The following FBN3 variants were observed in gnomAD, a reference collection of about 807,000 sequenced individuals.
FBN3 encodes the protein fibrillin 3.
A neutral mutation model predicts 330.1 loss-of-function variants in FBN3; 234 were observed. That is an observed-to-expected ratio of 0.71 (90% CI 0.64 to 0.79). FBN3 has a LOEUF of 0.79. Ranked by LOEUF, FBN3 falls within the 30% of genes least tolerant of loss-of-function variation. FBN3 has a pLI of 0.00. For missense variants in FBN3, 3,606 were observed against 3,886.9 expected, an observed-to-expected ratio of 0.93 and a Z score of 1.92; for synonymous variants, 1,458 against 1,517.3, an observed-to-expected ratio of 0.96 and a Z score of 0.91.
chr19:8,079,126 A>G (rs2081713861), intron 59 of FBN3, among the ~76,000 whole-genome samples: 1 of 151,990 alleles, frequency 6.6e-6, no homozygotes, highest in African/African-American at 2.4e-5. Flanking sequence ...AAGCCCTCTC[A>G]GGAGGCTGAG....
At chr19:8,115,183 GTGTGATCATT>G (rs1440948768) in intron 30 of FBN3, among the ~76,000 whole-genome samples, 4 of 152,146 alleles carry the variant, frequency 2.6e-5, no homozygotes, top group African/African-American at 9.7e-5. Context: ...GCCACCAATT[GTGTGATCATT>G]TGTTATGGCA....
chr19:8,090,324 A>G, intron 48 of FBN3, 73 bp from the exon 49 acceptor site: 1 of 1,549,932 alleles, frequency 6.5e-7, no homozygotes, highest in Non-Finnish European at 8.8e-7. Flanking sequence ...GACCTCCCGC[A>G]CCCCAGTCCT....
intron 59 of FBN3, among the ~76,000 whole-genome samples, chr19:8,079,376 T>C (rs2081719274): frequency 6.6e-6 from 1 of 152,064 alleles, no homozygotes; most frequent in Non-Finnish European, 1.5e-5. Context: ...GCGATCACAT[T>C]GCTGTATTCC....
intron 24 of FBN3, among the ~76,000 whole-genome samples, chr19:8,123,070 T>A (rs993150224): frequency 1.3e-5 from 2 of 151,446 alleles, no homozygotes; most frequent in Non-Finnish European, 1.5e-5. Context: ...AGAACAGGTG[T>A]TCGCCAGGCA....
Position 8,132,771 on chromosome 19 carries a change from C to T in FBN3, c.1714+213G>A, listed in dbSNP as rs565647260. On this transcript the variant is annotated intron_variant, in intron 14 of 63. Transcript: ENST00000600128. ...CCTCCCAAGGTGCTGGGACTACAGG[C>T]GTGAGCCACGGCACCTGCCTCTTCT... is the stretch of plus-strand genomic sequence containing the variant. 7.2e-5 allele frequency among the ~76,000 whole-genome samples: 11 copies of T among 152,316 alleles called. No individual in the cohort carries two copies. The East Asian group carries it at 1.3e-3, about 19-fold the overall frequency.
At chr19:8,132,418 T>C (rs1392932015) in intron 14 of FBN3, among the ~76,000 whole-genome samples, 1 of 151,998 alleles carries the variant, frequency 6.6e-6, no homozygotes, top group Admixed American at 6.6e-5. Flanking sequence ...TGTCCTCAAG[T>C]GATCCTCTAA....
chr19:8,090,656 G>A (rs1458810236), intron 48 of FBN3, among the ~76,000 whole-genome samples: 1 of 151,958 alleles, frequency 6.6e-6, no homozygotes, highest in African/African-American at 2.4e-5. Flanking sequence ...GCTAATTTTT[G>A]TATTTTTAGT....
In FBN3 at chr19:8,126,300, C is replaced by G. The variant is rs35025963; in HGVS notation, c.2602G>C (p.Asp868His). The G allele has an allele frequency of 6.3e-7, 1 of 1,586,420 alleles. No homozygotes were observed. Among genetic ancestry groups the G allele is most frequent in the Non-Finnish European group, 8.6e-7 (1 of 1,168,252 alleles). ...CTGGACACGGGCAGGCAGTTACCATCGCAGGTGACACCCGTCATCCGGGCA... is the reference window on the plus strand; with the variant it reads ...CTGGACACGGGCAGGCAGTTACCATGGCAGGTGACACCCGTCATCCGGGCA... ...GFARMTGVTC[D>H]DVNECESFPG... The change falls in exon 21 of 64, where the codon GAT becomes CAT. Residue 868 changes from aspartate to histidine, a missense_variant. Coordinates refer to ENST00000600128, the MANE Select transcript of FBN3 (RefSeq NM_032447.5).
Position 8,121,317 on chromosome 19 carries a change from A to T in FBN3, c.3152T>A (p.Phe1051Tyr). The T allele has an allele frequency of 6.2e-7, 1 of 1,613,304 alleles. No individual in the cohort carries two copies. The highest frequency in any genetic ancestry group is 8.5e-7 in the Non-Finnish European group (1 of 1,179,580). The change falls in exon 25 of 64, where the codon TTT becomes TAT. Residue 1051 changes from phenylalanine (F) to tyrosine (Y), a missense_variant. Physicochemically the swap from Phe to Tyr is conservative, Grantham distance 22. Transcript: ENST00000600128. The surrounding 1 kb of genome is among the most constrained non-coding windows in gnomAD (Gnocchi z 4.5). ...GTAGCCGGGAAAACACTCGCACTCA[A>T]AGCTGCCCGGCGTGTTGACACAGGT... ...QGTCVNTPGS[F>Y]ECECFPGYES...
At chr19:8,100,261 C>G (rs1023782894) in intron 41 of FBN3, among the ~76,000 whole-genome samples, 1 of 151,718 alleles carries the variant, frequency 6.6e-6, no homozygotes, top group African/African-American at 2.4e-5. Context: ...TGAGAAAGTT[C>G]CGGATGGTGA....
Position 8,095,395 on chromosome 19 carries a change from G to T in FBN3, c.5765C>A (p.Ala1922Asp), listed in dbSNP as rs750185838. 19 of 1,613,752 alleles carry T rather than the reference G, an allele frequency of 1.2e-5. No homozygotes were observed. In the South Asian group the frequency reaches 1.9e-4, roughly 16 times the overall value. Residue 1922 changes from alanine (A) to aspartate (D), a missense_variant, in exon 46 of 64, where the codon GCT becomes GAT. Coordinates refer to ENST00000600128, the MANE Select transcript of FBN3 (RefSeq NM_032447.5). ...CLCQDGFELT[A>D]DGKNCVDTNE... ...CTCACCCACACAGTTCTTCCCATCA[G>T]CTGTGAGCTCAAAGCCATCCTGGCA...
chr19:8,072,298 C>CA, intron 62 of FBN3, 100 bp from the exon 63 acceptor site: 1 of 1,262,970 alleles, frequency 7.9e-7, no homozygotes, highest in Non-Finnish European at 1.1e-6. Context: ...AGTCATGCTG[C>CA]AAATGCCCAC....
chr19:8,083,282 C>G lies in FBN3; in HGVS notation c.7178G>C (p.Gly2393Ala). Residue 2393 changes from glycine to alanine, a missense_variant, in exon 57 of 64, where the codon GGG (glycine) becomes GCG (alanine). Coordinates refer to ENST00000600128, the MANE Select transcript of FBN3 (RefSeq NM_032447.5). ...LGSFRCHCQA[G>A]YTPDATATTC... ...AGTAGCAGTAGCATCCGGTGTGTACCCGGCCTGACAGTGGCAGCGGAAGGA... is the reference window on the plus strand; with the variant it reads ...AGTAGCAGTAGCATCCGGTGTGTACGCGGCCTGACAGTGGCAGCGGAAGGA... The G allele has an allele frequency of 6.2e-7, 1 of 1,614,150 alleles. No homozygotes were observed. The highest frequency in any genetic ancestry group is 1.3e-5 in the African/African-American group (1 of 75,054).
At chr19:8,091,905 G>A (rs1453307155) in intron 47 of FBN3, among the ~76,000 whole-genome samples, 1 of 152,202 alleles carries the variant, frequency 6.6e-6, no homozygotes, top group Non-Finnish European at 1.5e-5. Flanking sequence ...AGTAAGGCCG[G>A]GCGCGGTGGC....
intron 63 of FBN3, among the ~76,000 whole-genome samples, chr19:8,070,621 C>T (rs750117125): frequency 5.3e-5 from 8 of 152,216 alleles, no homozygotes; most frequent in Middle Eastern, 3.2e-3. Context: ...GAGAAGTCCA[C>T]GTGCCATATC....
Position 8,073,027 on chromosome 19 carries a change from G to A in FBN3, c.7937+36C>T, listed in dbSNP as rs568073879. Reference sequence around the variant, plus strand: ...TGCGTGCGTGCATGGACGCTTGCGGGGCATGGAGTCTGCTTGCCCCACTCC... The same window carrying A: ...TGCGTGCGTGCATGGACGCTTGCGGAGCATGGAGTCTGCTTGCCCCACTCC... On this transcript the variant is annotated intron_variant, in intron 62 of 63. Coordinates refer to ENST00000600128, the MANE Select transcript of FBN3 (RefSeq NM_032447.5). The A allele has an allele frequency of 2.0e-4, 267 of 1,362,800 alleles. 14 individuals carry two copies. In the South Asian group the frequency reaches 3.0e-3, roughly 16 times the overall value. The allele number at this position is 1,362,800 out of a possible 1,614,324, so 84.4% of individuals were successfully genotyped here. A position where few individuals can be genotyped will look rare whatever the true frequency, so the allele number is the denominator to read the frequency against.
Position 8,109,746 on chromosome 19 carries a change from G to C in FBN3, c.4341C>G (p.Asn1447Lys). Residue 1447 changes from asparagine (N) to lysine (K), a missense_variant, in exon 35 of 64, where the codon AAC becomes AAG. By Grantham distance (94) the Asn-to-Lys change is moderately conservative. Transcript: ENST00000600128. This position sits in a 1 kb window ranked among gnomAD's most constrained non-coding sequence, Gnocchi z 5.2. ...TGCAGTTTACTGGGTCTGCACACTC[G>C]TTGATGTCTGTAGGGAGGAAGCGCG... is the stretch of plus-strand genomic sequence containing the variant. Reference protein sequence around the residue: ...DRGGGNCTDINECADPVNCIN... With the variant: ...DRGGGNCTDIKECADPVNCIN... The C allele has an allele frequency of 6.6e-7, 1 of 1,515,386 alleles. No homozygotes were observed. The highest frequency in any genetic ancestry group is 8.8e-7 in the Non-Finnish European group (1 of 1,131,538). 93.9% of individuals were successfully genotyped at this position (1,515,386 alleles called of 1,614,324 possible). A position where few individuals can be genotyped will look rare whatever the true frequency, so the allele number is the denominator to read the frequency against.
At chr19:8,112,133 G>C in intron 30 of FBN3, 34 bp from the exon 31 acceptor site, 1 of 1,601,690 alleles carries the variant, frequency 6.2e-7, no homozygotes, top group Non-Finnish European at 8.5e-7. Context: ...CCAAGACCCA[G>C]TCACAGAAGG....
Position 8,129,602 on chromosome 19 carries a change from C to A in FBN3, c.2045-237G>T, listed in dbSNP as rs558602268. On this transcript the variant is annotated intron_variant, in intron 16 of 63. Coordinates refer to ENST00000600128, the MANE Select transcript of FBN3 (RefSeq NM_032447.5). This position sits in a 1 kb window ranked among gnomAD's most constrained non-coding sequence, Gnocchi z 4.5. ...GGCCATCCCACGCATTTTAGGATGT[C>A]GAGCAGCTCCCGTGGCCTCCACCCA... 6.6e-6 allele frequency among the ~76,000 whole-genome samples: 1 copy of A among 152,128 alleles called. No homozygotes were observed. The highest frequency in any genetic ancestry group is 1.5e-5 in the Non-Finnish European group (1 of 68,024).
Sources: allele counts gnomAD v4.1 joint callset (sites outside exome capture counted in the v4.1 genomes callset), GRCh38; gene constraint gnomAD v4.1.1; non-coding constraint Gnocchi (gnomAD v3.1); transcripts MANE v1.5; gene names NCBI Gene and HGNC (gene_info 2026-07-23, HGNC 2026-07-21).